AUTS2: variants seen among roughly 807,000 people sequenced by gnomAD.
The protein encoded by AUTS2 is activator of transcription and developmental regulator AUTS2.
AUTS2 carries 17 observed loss-of-function variants against 112.4 expected under a neutral mutation model. That is an observed-to-expected ratio of 0.15 (90% CI 0.10 to 0.23). AUTS2 has a LOEUF of 0.23. Ranked by LOEUF, AUTS2 falls within the 10% of genes least tolerant of loss-of-function variation. The probability of loss-of-function intolerance (pLI) is 1.00; values close to 1 mark genes in which losing one functional copy is unlikely to be tolerated. For synonymous variants in AUTS2, 751 were observed against 702.7 expected, an observed-to-expected ratio of 1.07 and a Z score of -1.09; for missense variants, 1,510 against 1,701.6, an observed-to-expected ratio of 0.89 and a Z score of 1.98.
At chr7:70,494,243 G>A (rs1339165078) in intron 5 of AUTS2, among the ~76,000 whole-genome samples, 2 of 152,036 alleles carry the variant, frequency 1.3e-5, no homozygotes, top group Admixed American at 1.3e-4. Flanking sequence ...ATCAAATTGA[G>A]AAATCTCTAC....
chr7:69,937,459 G>A (rs1326503461), intron 2 of AUTS2, among the ~76,000 whole-genome samples: 1 of 152,158 alleles, frequency 6.6e-6, no homozygotes, highest in African/African-American at 2.4e-5. Flanking sequence ...GGGTCTGTCT[G>A]GAGGGAACAG....
Position 70,137,402 on chromosome 7 carries a change from CT to C in AUTS2, c.660+2842del, listed in dbSNP as rs528613725. On this transcript the variant is annotated intron_variant, in intron 4 of 18. Transcript: ENST00000342771. ...GTATAGACTAGTTGGAATCGATTTG[CT>C]TTTTTTTTTTCTTTTTTGGCAAGAG... Among the ~76,000 whole-genome samples the C allele has an allele frequency of 1.0e-3, 144 of 139,812 alleles. 1 individual carries two copies. Among genetic ancestry groups the C allele is most frequent in the Middle Eastern group, 7.6e-3 (2 of 262 alleles). The allele number at this position is 139,812 out of a possible 152,430, so 91.7% of individuals were successfully genotyped here. A position where few individuals can be genotyped will look rare whatever the true frequency, so the allele number is the denominator to read the frequency against.
chr7:70,713,758 G>T (rs1325020173), intron 6 of AUTS2, among the ~76,000 whole-genome samples: 3 of 152,188 alleles, frequency 2.0e-5, no homozygotes, highest in African/African-American at 7.2e-5. Context: ...AGCCGGGCGT[G>T]GTGGCGGGAG....
intron 18 of AUTS2, among the ~76,000 whole-genome samples, chr7:70,788,766 T>C (rs1791682100): frequency 6.6e-6 from 1 of 152,252 alleles, no homozygotes; most frequent in Non-Finnish European, 1.5e-5. Flanking sequence ...CTGAATACTC[T>C]GTGGTCCTCT....
rs193283701 is a variant in AUTS2, at chr7:70,392,320, T to G, written c.661-43432T>G. Among the ~76,000 whole-genome samples the G allele has an allele frequency of 1.3e-4, 20 of 152,334 alleles. No individual in the cohort carries two copies. The East Asian group carries it at 3.9e-3, about 29-fold the overall frequency. On this transcript the variant is annotated intron_variant, in intron 4 of 18. Coordinates refer to ENST00000342771, the MANE Select transcript of AUTS2 (RefSeq NM_015570.4). Reference sequence around the variant, plus strand: ...TCATCCATGATGAGCAAGGACCTCCTGAAACATTTCAGCATGTGTGCATGT... The same window carrying G: ...TCATCCATGATGAGCAAGGACCTCCGGAAACATTTCAGCATGTGTGCATGT...
intron 4 of AUTS2, among the ~76,000 whole-genome samples, chr7:70,351,480 G>C (rs1261251485): frequency 6.6e-6 from 1 of 152,190 alleles, no homozygotes; most frequent in African/African-American, 2.4e-5. Context: ...ATTGTGAATA[G>C]TGCTGCAGTG....
At chr7:70,530,596 A>G (rs1800044338) in intron 5 of AUTS2, among the ~76,000 whole-genome samples, 1 of 152,144 alleles carries the variant, frequency 6.6e-6, no homozygotes, top group Admixed American at 6.5e-5. Context: ...TCTGCAGGAT[A>G]CATTCTGTGG....
chr7:70,299,329 A>C (rs1363808199), intron 4 of AUTS2, among the ~76,000 whole-genome samples: 1 of 152,180 alleles, frequency 6.6e-6, no homozygotes, highest in Non-Finnish European at 1.5e-5. Flanking sequence ...CTCACACATG[A>C]TGACTCATGC....
intron 5 of AUTS2, among the ~76,000 whole-genome samples, chr7:70,647,805 G>A (rs17141927): frequency 0.048 from 7,263 of 152,260 alleles, 255 homozygotes; most frequent in Middle Eastern, 0.15. Flanking sequence ...GACTGCATGC[G>A]CACATTTTGG....
At chr7:69,685,300 C>T (rs1005420340) in intron 1 of AUTS2, among the ~76,000 whole-genome samples, 1 of 152,190 alleles carries the variant, frequency 6.6e-6, no homozygotes, top group Non-Finnish European at 1.5e-5. Context: ...GCCTGCTTTT[C>T]CTCCAAGGCT....
intron 1 of AUTS2, among the ~76,000 whole-genome samples, chr7:69,700,066 G>A (rs963711244): frequency 3.9e-5 from 6 of 152,164 alleles, no homozygotes; most frequent in East Asian, 1.9e-4. Context: ...TGTAGAGGTC[G>A]TACTAATTTA....
intron 4 of AUTS2, among the ~76,000 whole-genome samples, chr7:70,284,523 A>T (rs1490074930): frequency 6.7e-6 from 1 of 150,296 alleles, no homozygotes; most frequent in Non-Finnish European, 1.5e-5. Context: ...TTGATTGGTT[A>T]AAAAAAAAAT....
chr7:70,054,116 G>A (rs1801885915), intron 2 of AUTS2, among the ~76,000 whole-genome samples: 1 of 152,124 alleles, frequency 6.6e-6, no homozygotes, highest in South Asian at 2.1e-4. Context: ...AGCCACATAT[G>A]CATTTGATAT....
rs1287479275 is a variant in AUTS2, at chr7:70,141,581, C to T, written c.660+7010C>T. ...ACATTGTCACATTTTTTAAATGTAA[C>T]CTTCAAAATACTACCCTTAACTGTG... On this transcript the variant is annotated intron_variant, in intron 4 of 18. Coordinates refer to ENST00000342771, the MANE Select transcript of AUTS2 (RefSeq NM_015570.4). Among the ~76,000 whole-genome samples the T allele has an allele frequency of 2.0e-5, 3 of 152,138 alleles. No individual in the cohort carries two copies. In the East Asian group the frequency reaches 5.8e-4, roughly 29 times the overall value.
intron 2 of AUTS2, among the ~76,000 whole-genome samples, chr7:70,101,551 C>T (rs144628656): frequency 1.1e-3 from 167 of 151,952 alleles, no homozygotes; most frequent in African/African-American, 3.7e-3. Flanking sequence ...AAAAATTAGC[C>T]GGGCATGGTG....
intron 1 of AUTS2, among the ~76,000 whole-genome samples, chr7:69,768,209 A>C (rs1788512030): frequency 6.6e-6 from 1 of 152,190 alleles, no homozygotes; most frequent in Non-Finnish European, 1.5e-5. Flanking sequence ...CCGTTTGACA[A>C]CATCCAAGCC....
At chr7:70,687,278 G>T (rs751743552) in intron 5 of AUTS2, among the ~76,000 whole-genome samples, 2 of 152,186 alleles carry the variant, frequency 1.3e-5, no homozygotes, top group Non-Finnish European at 2.9e-5. Context: ...GACCAGGGGA[G>T]GCAGAGAGGC....
chr7:69,982,879 G>T (rs577896671), intron 2 of AUTS2, among the ~76,000 whole-genome samples: 1 of 152,194 alleles, frequency 6.6e-6, no homozygotes, highest in Non-Finnish European at 1.5e-5. Flanking sequence ...AGAAATAAGA[G>T]ATGACTTTTA....
At chr7:70,680,237 T>G (rs1005639704) in intron 5 of AUTS2, among the ~76,000 whole-genome samples, 1 of 152,220 alleles carries the variant, frequency 6.6e-6, no homozygotes, top group East Asian at 1.9e-4. Flanking sequence ...GAGACTATTC[T>G]CTGTTTATAC....
Sources: allele counts gnomAD v4.1 joint callset (sites outside exome capture counted in the v4.1 genomes callset), GRCh38; gene constraint gnomAD v4.1.1; transcripts MANE v1.5; gene names NCBI Gene and HGNC (gene_info 2026-07-23, HGNC 2026-07-21).